Variants in PAK5 observed in about 807,000 individuals in gnomAD.
PAK5 encodes p21 (RAC1) activated kinase 5.
Under a neutral mutation model 65.9 loss-of-function variants are expected in PAK5, and 16 were observed. The observed-to-expected ratio is 0.24, with a 90% CI of 0.16 to 0.37. The LOEUF (loss-of-function observed/expected upper bound fraction) is 0.37. Ranked by LOEUF, PAK5 falls within the 10% of genes least tolerant of loss-of-function variation. The probability of loss-of-function intolerance (pLI) is 1.00; values close to 1 mark genes in which losing one functional copy is unlikely to be tolerated. For missense variants in PAK5, 785 were observed against 903.9 expected (o/e 0.87, Z 1.69); for synonymous variants, 371 against 354.9 (o/e 1.05, Z -0.51).
intron 7 of PAK5, among the ~76,000 whole-genome samples, chr20:9,549,091 A>G (rs2045388461): frequency 6.6e-6 from 1 of 152,184 alleles, no homozygotes; most frequent in South Asian, 2.1e-4. Context: ...ATGGTGCCCT[A>G]TTATAAGAGG....
intron 2 of PAK5, among the ~76,000 whole-genome samples, chr20:9,677,752 AG>A (rs1247753852): frequency 5.3e-5 from 8 of 152,338 alleles, no homozygotes; most frequent in Non-Finnish European, 2.9e-5. Context: ...CCATAATCGT[AG>A]TAGCAGTACC....
intron 7 of PAK5, among the ~76,000 whole-genome samples, chr20:9,556,550 C>T (rs746269932): frequency 7.9e-5 from 12 of 152,170 alleles, no homozygotes; most frequent in Non-Finnish European, 1.2e-4. Context: ...AAGGCCATTG[C>T]CTCTGGTGGG....
chr20:9,825,432 A>C (rs1264684742), intron 1 of PAK5, among the ~76,000 whole-genome samples: 1 of 152,118 alleles, frequency 6.6e-6, no homozygotes, highest in Non-Finnish European at 1.5e-5. Flanking sequence ...ATAAGGTTCT[A>C]CTTCACTGCT....
intron 2 of PAK5, among the ~76,000 whole-genome samples, chr20:9,672,430 C>T (rs1488785960): frequency 1.3e-5 from 2 of 150,562 alleles, no homozygotes; most frequent in Non-Finnish European, 3.0e-5. Context: ...TGGGAGGAAG[C>T]CTGTGGGAGG....
At chr20:9,788,322 C>T (rs983799477) in intron 1 of PAK5, among the ~76,000 whole-genome samples, 2 of 151,826 alleles carry the variant, frequency 1.3e-5, no homozygotes, top group African/African-American at 4.8e-5. Flanking sequence ...TTTATTGATA[C>T]CTCATTCTGA....
At chr20:9,823,387 C>T (rs770951425) in intron 1 of PAK5, among the ~76,000 whole-genome samples, 9 of 152,132 alleles carry the variant, frequency 5.9e-5, no homozygotes, top group Non-Finnish European at 7.3e-5. Context: ...GCTGTGTCCC[C>T]GCCCAAATCT....
chr20:9,553,335 G>A (rs1035362024), intron 7 of PAK5, among the ~76,000 whole-genome samples: 1 of 152,186 alleles, frequency 6.6e-6, no homozygotes, highest in Non-Finnish European at 1.5e-5. Flanking sequence ...AAGTCTGGGA[G>A]ACTGTGTAGA....
intron 1 of PAK5, among the ~76,000 whole-genome samples, chr20:9,829,200 G>A (rs1978513844): frequency 6.6e-6 from 1 of 152,176 alleles, no homozygotes; most frequent in Admixed American, 6.5e-5. Flanking sequence ...ACACTGCAAG[G>A]CAGTCCATTC....
chr20:9,610,671 A>T (rs1025759063), intron 3 of PAK5, among the ~76,000 whole-genome samples: 2 of 152,086 alleles, frequency 1.3e-5, no homozygotes, highest in African/African-American at 4.8e-5. Flanking sequence ...ATGCGCTTGG[A>T]TTTCTTTAAC....
chr20:9,795,903 A>G (rs1569091196), intron 1 of PAK5, among the ~76,000 whole-genome samples: 1 of 152,078 alleles, frequency 6.6e-6, no homozygotes. Context: ...AGGTTTAGCA[A>G]TTTGCTTTTT....
At chr20:9,835,036 C>T (rs932602874) in intron 1 of PAK5, among the ~76,000 whole-genome samples, 17 of 152,260 alleles carry the variant, frequency 1.1e-4, no homozygotes, top group Middle Eastern at 3.4e-3. Context: ...TTTGTTAAAG[C>T]CAAGAATACT....
chr20:9,789,340 G>T lies in PAK5; in HGVS notation c.-162+49422C>A, dbSNP rs376369874. ...CTTGGGGACAGATGGCTATCAAACT[G>T]CTCTCCCTTTCAGAACACACACCAG... On this transcript the variant is annotated intron_variant, in intron 1 of 9. Coordinates refer to ENST00000353224, the MANE Select transcript of PAK5 (RefSeq NM_177990.4). Among the ~76,000 whole-genome samples, 10 of 152,082 alleles carry T rather than the reference G, an allele frequency of 6.6e-5. No individual in the cohort carries two copies. The East Asian group carries it at 1.4e-3, about 21-fold the overall frequency.
At chr20:9,689,771 G>A (rs1049308763) in intron 2 of PAK5, among the ~76,000 whole-genome samples, 2 of 152,196 alleles carry the variant, frequency 1.3e-5, no homozygotes, top group Non-Finnish European at 2.9e-5. Context: ...GTGAGAAGAA[G>A]AGTTTAACAG....
Position 9,807,457 on chromosome 20 carries a change from C to T in PAK5, c.-162+31305G>A, listed in dbSNP as rs150742382. Among the ~76,000 whole-genome samples, 537 of 152,062 alleles carry T rather than the reference C, an allele frequency of 3.5e-3. 3 individuals are homozygous for T. The highest frequency in any genetic ancestry group is 0.012 in the African/African-American group (493 of 41,472). On this transcript the variant is annotated intron_variant, in intron 1 of 9. Transcript: ENST00000353224. Reference sequence around the variant, plus strand: ...TACCTTTGAGAAAAACTTGAAAGTACCTAATAAAATGCAACATTAACACAC... The same window carrying T: ...TACCTTTGAGAAAAACTTGAAAGTATCTAATAAAATGCAACATTAACACAC...
intron 3 of PAK5, 97 bp from the exon 4 acceptor site, chr20:9,581,027 G>T: frequency 1.2e-6 from 1 of 832,574 alleles, no homozygotes; most frequent in Non-Finnish European, 1.9e-6. Context: ...TTAAACTACA[G>T]AAGAAAAAAG....
intron 4 of PAK5, among the ~76,000 whole-genome samples, chr20:9,571,370 C>G (rs2045777617): frequency 6.6e-6 from 1 of 152,182 alleles, no homozygotes; most frequent in Non-Finnish European, 1.5e-5. Flanking sequence ...GGGAATCAAG[C>G]AGGGGGCAAC....
intron 2 of PAK5, among the ~76,000 whole-genome samples, chr20:9,654,142 T>G (rs1043836348): frequency 3.3e-5 from 5 of 151,928 alleles, no homozygotes; most frequent in African/African-American, 4.8e-5. Flanking sequence ...CCCAGCTAAT[T>G]TTTATATTTT....
At position 9,652,910 on chromosome 20, in the gene PAK5, G is replaced by A. The variant is rs544875890; in HGVS notation, c.-11-8571C>T. 5.3e-5 allele frequency among the ~76,000 whole-genome samples: 8 copies of A among 152,230 alleles called. No homozygotes were observed. In the South Asian group the frequency reaches 1.5e-3, roughly 28 times the overall value. ...GATGTTTGGATCTTACCTGTCTGCT[G>A]GTTTCTTCTTATCTAAGCTTTCTGA... On this transcript the variant is annotated intron_variant, in intron 2 of 9. Transcript: ENST00000353224.
chr20:9,628,947 T>C (rs1466189659), intron 3 of PAK5, among the ~76,000 whole-genome samples: 13 of 152,182 alleles, frequency 8.5e-5, no homozygotes. Flanking sequence ...ACTTGTGAGG[T>C]GTGCTCCATG....
Sources: gnomAD v4.1 joint callset for allele counts (sites outside exome capture counted in the v4.1 genomes callset) on GRCh38, gnomAD v4.1.1 for gene constraint, MANE v1.5 for transcripts, NCBI Gene and HGNC (gene_info 2026-07-23, HGNC 2026-07-21) for gene names.